Variants in DYNLL1 observed in about 807,000 individuals in gnomAD.
The protein encoded by DYNLL1 is dynein light chain 1, cytoplasmic.
A neutral mutation model predicts 10.1 loss-of-function variants in DYNLL1; 3 were observed. The ratio of observed to expected loss-of-function variants is 0.30; its 90% CI spans 0.14 to 0.77. DYNLL1 has a LOEUF of 0.77. Ranked by LOEUF, DYNLL1 falls within the 30% of genes least tolerant of loss-of-function variation. DYNLL1 has a pLI of 0.66. For synonymous variants in DYNLL1, 46 were observed against 41.2 expected (o/e 1.12, Z -0.45); for missense variants, 47 against 111.7 (o/e 0.42, Z 2.61).
chr12:120,486,674 A>G (rs1879001087), intron 1 of DYNLL1, among the ~76,000 whole-genome samples: 7 of 151,990 alleles, frequency 4.6e-5, no homozygotes, highest in Admixed American at 4.6e-4. Context: ...GGGTCTTGCT[A>G]TATTGCCCAG....
At chr12:120,482,640 T>C (rs1477183685) in intron 1 of DYNLL1, among the ~76,000 whole-genome samples, 2 of 151,440 alleles carry the variant, frequency 1.3e-5, no homozygotes, top group East Asian at 3.9e-4. Flanking sequence ...ACAATTTTTT[T>C]ACAGAGAAAG....
upstream of DYNLL1, among the ~76,000 whole-genome samples, chr12:120,494,385 T>C (rs2137069262): frequency 6.6e-6 from 1 of 151,822 alleles, no homozygotes; most frequent in African/African-American, 2.4e-5. Flanking sequence ...CAAGTGATTC[T>C]CCTGCCTCAG....
intron 1 of DYNLL1, among the ~76,000 whole-genome samples, chr12:120,483,191 A>T (rs1878923503): frequency 6.6e-6 from 1 of 151,958 alleles, no homozygotes; most frequent in South Asian, 2.1e-4. Flanking sequence ...TACAAAAATT[A>T]TCTGGGTGTG....
At chr12:120,488,225 C>T (rs1321391167) in intron 1 of DYNLL1, 1 of 152,350 alleles carries the variant, frequency 6.6e-6, no homozygotes, top group Admixed American at 6.6e-5. Context: ...CTCCCACACT[C>T]CCCCAACAGC....
chr12:120,497,857 C>G, intron 2 of DYNLL1: 7 of 547,176 alleles, frequency 1.3e-5, no homozygotes, highest in Non-Finnish European at 2.3e-5. Context: ...GTCCTTTGAC[C>G]TCCTCAGCCT....
chr12:120,489,456 C>T (rs1879070302), intron 1 of DYNLL1, among the ~76,000 whole-genome samples: 1 of 152,228 alleles, frequency 6.6e-6, no homozygotes, highest in Non-Finnish European at 1.5e-5. Flanking sequence ...TCCAATTGCT[C>T]AGCAAATCTG....
chr12:120,479,131 A>T (rs1173757879), intron 1 of DYNLL1, among the ~76,000 whole-genome samples: 7 of 149,912 alleles, frequency 4.7e-5, no homozygotes, highest in African/African-American at 1.5e-4. Flanking sequence ...ACCACTGCAC[A>T]GCAACCTGGG....
At chr12:120,489,694 G>C (rs1472812740) in intron 1 of DYNLL1, among the ~76,000 whole-genome samples, 1 of 152,084 alleles carries the variant, frequency 6.6e-6, no homozygotes, top group Non-Finnish European at 1.5e-5. Flanking sequence ...GGTCTTCCTA[G>C]AAAACTCTTT....
intron 1 of DYNLL1, among the ~76,000 whole-genome samples, chr12:120,488,372 T>C (rs1171266180): frequency 6.6e-6 from 1 of 152,086 alleles, no homozygotes; most frequent in African/African-American, 2.4e-5. Context: ...ATGTGACTCC[T>C]GGAAAAGCCT....
Position 120,498,355 on chromosome 12 carries a change from T to G in DYNLL1, c.*145T>G. The G allele has an allele frequency of 5.3e-6, 5 of 934,932 alleles. No individual in the cohort carries two copies. The highest frequency in any genetic ancestry group is 2.7e-5 in the East Asian group (1 of 37,266). The allele number at this position is 934,932 out of a possible 1,614,324, so 57.9% of individuals were successfully genotyped here. A position where few individuals can be genotyped will look rare whatever the true frequency, so the allele number is the denominator to read the frequency against. Reference sequence around the variant, plus strand: ...CTTTGTTGTGTTTTGTACAGGGCATTCTCTGTACTAGTTTGTCGTGGTTAT... The same window carrying G: ...CTTTGTTGTGTTTTGTACAGGGCATGCTCTGTACTAGTTTGTCGTGGTTAT... On this transcript the variant is annotated 3_prime_UTR_variant, in exon 3 of 3. Transcript: ENST00000242577.
In DYNLL1 at chr12:120,498,095, C is replaced by A; in HGVS notation, c.155C>A (p.Pro52His). 6.2e-7 allele frequency: 1 copy of A among 1,613,952 alleles called. No homozygotes were observed. The highest frequency in any genetic ancestry group is 2.2e-5 in the East Asian group (1 of 44,884). ...CAGGAATTTGACAAGAAGTACAATCCCACCTGGCATTGCATCGTGGGGAGG... is the reference window on the plus strand; with the variant it reads ...CAGGAATTTGACAAGAAGTACAATCACACCTGGCATTGCATCGTGGGGAGG... ...IKKEFDKKYN[P>H]TWHCIVGRNF... Residue 52 changes from proline to histidine, a missense_variant, in exon 3 of 3, where the codon CCC (proline) becomes CAC (histidine). Physicochemically the swap from Pro to His is moderately conservative, Grantham distance 77. Transcript: ENST00000242577.
At chr12:120,480,012 A>C (rs1332053269) in intron 1 of DYNLL1, among the ~76,000 whole-genome samples, 1 of 152,132 alleles carries the variant, frequency 6.6e-6, no homozygotes, top group Non-Finnish European at 1.5e-5. Context: ...AGGGGCCTTG[A>C]GGGGAGTATG....
intron 1 of DYNLL1, among the ~76,000 whole-genome samples, chr12:120,482,877 G>C (rs185316067): frequency 6.6e-6 from 1 of 151,966 alleles, no homozygotes; most frequent in Non-Finnish European, 1.5e-5. Flanking sequence ...CCATGAGTTC[G>C]AGACCAGCCT....
chr12:120,498,310 G>C lies in DYNLL1; in HGVS notation c.*100G>C. 1 of 1,432,984 alleles carries C rather than the reference G, an allele frequency of 7.0e-7. No individual in the cohort carries two copies. The highest frequency in any genetic ancestry group is 9.3e-7 in the Non-Finnish European group (1 of 1,069,990). 88.8% of individuals were successfully genotyped at this position (1,432,984 alleles called of 1,614,324 possible). ...ACTGAAATTTTCAGCCTTGCTAAGG[G>C]AACATCTCGATGTTTGAACCTTTGT... is the stretch of plus-strand genomic sequence containing the variant. On this transcript the variant is annotated 3_prime_UTR_variant, in exon 3 of 3. Coordinates refer to ENST00000242577, the MANE Select transcript of DYNLL1 (RefSeq NM_003746.3).
upstream of DYNLL1, chr12:120,495,708 T>TGGGGGGGGGGGGGGGGGGGGGG (rs1879250742): frequency 4.1e-5 from 2 of 49,366 alleles, no homozygotes; most frequent in Admixed American, 2.1e-4. Context: ...GGCGGGGGGG[T>TGGGGGGGGGGGGGGGGGGGGGG]GGGGGCAGGA....
intron 1 of DYNLL1, among the ~76,000 whole-genome samples, chr12:120,474,778 G>A (rs1320894832): frequency 1.3e-5 from 2 of 152,176 alleles, no homozygotes; most frequent in African/African-American, 4.8e-5. Context: ...GGAAGTGATG[G>A]GGGAGTAGAC....
chr12:120,487,588 G>C (rs995647052), intron 1 of DYNLL1, among the ~76,000 whole-genome samples: 1 of 152,104 alleles, frequency 6.6e-6, no homozygotes, highest in Non-Finnish European at 1.5e-5. Flanking sequence ...CCAAAAGACT[G>C]GGCCCGGAAG....
chr12:120,498,247 A>C lies in DYNLL1; in HGVS notation c.*37A>C. On this transcript the variant is annotated 3_prime_UTR_variant, in exon 3 of 3. Coordinates refer to ENST00000242577, the MANE Select transcript of DYNLL1 (RefSeq NM_003746.3). ...GTGCCACACACCCAGTGATCCATCC[A>C]AAAACAAGGACTGCAGCCTAAATTC... The C allele has an allele frequency of 6.3e-7, 1 of 1,583,084 alleles. No homozygotes were observed. The highest frequency in any genetic ancestry group is 1.3e-5 in the African/African-American group (1 of 74,084).
chr12:120,496,378 G>T, intron 1 of DYNLL1, 38 bp from the exon 2 acceptor site: 7 of 1,611,638 alleles, frequency 4.3e-6, no homozygotes, highest in Non-Finnish European at 5.9e-6. Context: ...GGGGGGCGCG[G>T]CCCAACTCAA....
Sources: gnomAD v4.1 joint callset for allele counts (sites outside exome capture counted in the v4.1 genomes callset) on GRCh38, gnomAD v4.1.1 for gene constraint, MANE v1.5 for transcripts, NCBI Gene and HGNC (gene_info 2026-07-23, HGNC 2026-07-21) for gene names.